Variants in COL21A1 observed in about 807,000 individuals in gnomAD.
COL21A1 encodes collagen alpha-1(XXI) chain.
A neutral mutation model predicts 137.9 loss-of-function variants in COL21A1; 149 were observed. That is an observed-to-expected ratio of 1.08 (90% CI 0.95 to 1.24). The LOEUF (loss-of-function observed/expected upper bound fraction) is 1.24. Ranked by LOEUF, COL21A1 falls within the 50% of genes most tolerant of loss-of-function variation. The pLI is 0.00. For missense variants in COL21A1, 1,167 were observed against 1,158.4 expected (o/e 1.01, Z -0.11); for synonymous variants, 456 against 391.5 (o/e 1.16, Z -1.95).
At chr6:56,265,915 A>G (rs78381663) in intron 1 of COL21A1, among the ~76,000 whole-genome samples, 1 of 90,604 alleles carries the variant, frequency 1.1e-5, no homozygotes, top group African/African-American at 3.3e-5. Flanking sequence ...TATCTATGAG[A>G]AAAAAAAATT....
intron 17 of COL21A1, among the ~76,000 whole-genome samples, chr6:56,094,375 C>T (rs959858988): frequency 6.6e-6 from 1 of 152,138 alleles, no homozygotes; most frequent in African/African-American, 2.4e-5. Flanking sequence ...CATCTAGCAA[C>T]AGTGTGTTGA....
chr6:56,115,564 C>T (rs1771842709), intron 16 of COL21A1, among the ~76,000 whole-genome samples: 1 of 152,064 alleles, frequency 6.6e-6, no homozygotes. Flanking sequence ...TACAAATAAG[C>T]CCAGACAGTG....
At chr6:56,301,711 CT>C (rs67049923) in intron 1 of COL21A1, among the ~76,000 whole-genome samples, 18 of 151,314 alleles carry the variant, frequency 1.2e-4, no homozygotes, top group African/African-American at 4.1e-4. Flanking sequence ...TAACTTTTTT[CT>C]TTTTTTTTCC....
intron 2 of COL21A1, 144 bp from the exon 3 acceptor site, chr6:56,180,273 C>T (rs1382816354): frequency 5.8e-6 from 4 of 693,016 alleles, no homozygotes; most frequent in East Asian, 3.0e-5. Context: ...TTAATGCTAA[C>T]GTGAAATATT....
intron 12 of COL21A1, among the ~76,000 whole-genome samples, chr6:56,127,703 T>C (rs1414696357): frequency 6.6e-6 from 1 of 152,214 alleles, no homozygotes; most frequent in Non-Finnish European, 1.5e-5. Context: ...TAATAAGACG[T>C]GTGAAGTCTG....
intron 1 of COL21A1, among the ~76,000 whole-genome samples, chr6:56,371,816 G>C (rs946054824): frequency 2.6e-5 from 4 of 151,928 alleles, no homozygotes; most frequent in South Asian, 2.1e-4. Flanking sequence ...ATTTCTCCTG[G>C]GCTAAACCCC....
chr6:56,276,736 T>G (rs1392402151), intron 1 of COL21A1: 2 of 1,329,240 alleles, frequency 1.5e-6, no homozygotes, highest in African/African-American at 2.9e-5. Flanking sequence ...TAAACAGAAC[T>G]GCCATCAAGT....
chr6:56,074,873 G>C (rs1428641982), intron 19 of COL21A1, among the ~76,000 whole-genome samples: 1 of 151,072 alleles, frequency 6.6e-6, no homozygotes, highest in Non-Finnish European at 1.5e-5. Context: ...AAGGAAAAGG[G>C]ATTAAAAAAT....
At chr6:56,307,202 C>T (rs1181894044) in intron 1 of COL21A1, among the ~76,000 whole-genome samples, 2 of 152,226 alleles carry the variant, frequency 1.3e-5, no homozygotes, top group Non-Finnish European at 2.9e-5. Flanking sequence ...TCTGTCCGTT[C>T]TCAGATCTCC....
rs540225500 is a variant in COL21A1, at chr6:56,257,156, T to C, written c.-38-74500A>G. On this transcript the variant is annotated intron_variant, in intron 1 of 28. Coordinates refer to the COL21A1 transcript ENST00000370819. ...AAAAAGAGATAAAAATCAAAAAGCA[T>C]GTGAATCTTATTCCCCCAGAAAATT... 2.6e-5 allele frequency among the ~76,000 whole-genome samples: 4 copies of C among 152,274 alleles called. No homozygotes were observed. In the East Asian group the frequency reaches 7.7e-4, roughly 29 times the overall value.
chr6:56,367,481 C>T lies in COL21A1; in HGVS notation c.-39+26490G>A, dbSNP rs186823227. Among the ~76,000 whole-genome samples the T allele has an allele frequency of 8.3e-4, 127 of 152,318 alleles. No homozygotes were observed. In the East Asian group the frequency reaches 0.023, roughly 27 times the overall value. The stretch of plus-strand genomic sequence containing the variant: ...CTCTCAAGAGAAACAAGAGAAAACA[C>T]TCCCACTCTTCTACAGTATAATTTT... On this transcript the variant is annotated intron_variant, in intron 1 of 28. Coordinates refer to the COL21A1 transcript ENST00000370819.
chr6:56,159,736 C>T (rs1776055304), intron 9 of COL21A1, among the ~76,000 whole-genome samples: 1 of 150,808 alleles, frequency 6.6e-6, no homozygotes, highest in African/African-American at 2.4e-5. Context: ...CATTTACCCA[C>T]TCATTTGTAG....
chr6:56,178,121 G>C (rs1777632402), intron 3 of COL21A1, among the ~76,000 whole-genome samples: 1 of 152,000 alleles, frequency 6.6e-6, no homozygotes, highest in East Asian at 1.9e-4. Flanking sequence ...AGCAAATATT[G>C]AACAAACATT....
intron 1 of COL21A1, among the ~76,000 whole-genome samples, chr6:56,386,685 A>G (rs1331689388): frequency 1.3e-5 from 2 of 152,136 alleles, no homozygotes; most frequent in Admixed American, 6.5e-5. Flanking sequence ...CTAGTGATTA[A>G]TGATTCTGAG....
intron 1 of COL21A1, among the ~76,000 whole-genome samples, chr6:56,378,749 G>A (rs1171631413): frequency 6.6e-6 from 1 of 152,214 alleles, no homozygotes; most frequent in East Asian, 1.9e-4. Flanking sequence ...TAGCCAGAGA[G>A]TGGTTACAGG....
intron 17 of COL21A1, among the ~76,000 whole-genome samples, chr6:56,079,144 G>T (rs61200368): frequency 6.6e-6 from 1 of 151,486 alleles, no homozygotes; most frequent in Non-Finnish European, 1.5e-5. Flanking sequence ...ACCCACACAC[G>T]TGTGAAAATT....
At chr6:56,386,158 T>C (rs2094017842) in intron 1 of COL21A1, among the ~76,000 whole-genome samples, 1 of 152,170 alleles carries the variant, frequency 6.6e-6, no homozygotes, top group Non-Finnish European at 1.5e-5. Context: ...CATGTTAGCC[T>C]GGCTAGTCTC....
chr6:56,059,245 G>T lies in COL21A1; in HGVS notation c.2609-3C>A. 6.3e-7 allele frequency: 1 copy of T among 1,592,708 alleles called. No homozygotes were observed. On this transcript the variant is annotated splice_polypyrimidine_tract_variant and splice_region_variant and intron_variant, in intron 28 of 29. Coordinates refer to ENST00000244728, the MANE Select transcript of COL21A1 (RefSeq NM_030820.4). ...TTCCCCATTTCTTCCTGGTAGGCCT[G>T]CAGGGTGTCAAACATCTGAGTAAGT...
chr6:56,123,845 A>G (rs1772767276), intron 16 of COL21A1, among the ~76,000 whole-genome samples: 1 of 152,216 alleles, frequency 6.6e-6, no homozygotes, highest in Non-Finnish European at 1.5e-5. Flanking sequence ...TCAACCTTGT[A>G]ATATCCTATG....
Sources: gnomAD v4.1 joint callset for allele counts (sites outside exome capture counted in the v4.1 genomes callset) on GRCh38, gnomAD v4.1.1 for gene constraint, MANE v1.5 for transcripts, NCBI Gene and HGNC (gene_info 2026-07-23, HGNC 2026-07-21) for gene names.